Variants in OTOF observed in about 807,000 individuals in gnomAD.
The protein encoded by OTOF is fer-1-like family member 2.
Under a neutral mutation model 236.8 loss-of-function variants are expected in OTOF, and 218 were observed. The observed-to-expected ratio is 0.92, with a 90% CI of 0.82 to 1.03. The LOEUF (loss-of-function observed/expected upper bound fraction) is 1.03. OTOF is among the 50% of genes least tolerant of loss of function. The pLI is 0.00. For missense variants in OTOF, 2,590 were observed against 2,694.4 expected (o/e 0.96, Z 0.86); for synonymous variants, 1,041 against 1,072.5 (o/e 0.97, Z 0.57).
intron 14 of OTOF, among the ~76,000 whole-genome samples, chr2:26,481,686 C>A (rs1485080971): frequency 1.3e-5 from 2 of 152,068 alleles, no homozygotes; most frequent in Admixed American, 6.6e-5. Flanking sequence ...GTGCTATAAA[C>A]CATCATCTAC....
chr2:26,525,353 G>T (rs781062115), intron 3 of OTOF, among the ~76,000 whole-genome samples: 5 of 152,172 alleles, frequency 3.3e-5, no homozygotes, highest in Non-Finnish European at 5.9e-5. Flanking sequence ...CCTCTACAAT[G>T]TGGTCCACTC....
chr2:26,485,736 C>T (rs796257937), intron 11 of OTOF, among the ~76,000 whole-genome samples: 7 of 152,340 alleles, frequency 4.6e-5, no homozygotes, highest in African/African-American at 1.7e-4. Flanking sequence ...AAGCCTGTGG[C>T]CCTGGTGGGC....
Position 26,460,139 on chromosome 2 carries a change from G to A in OTOF, c.5880C>T (p.His1960=). ...GTTTGAGGAGCAGCCAGCGATACGT[G>A]TGCCACAAGAAGTAGCGAGCCGACT... ...PLKSARYFLW[H]TYRWLLLKLL... Residue 1960 remains histidine (H), a synonymous_variant, in exon 46 of 47, where the codon CAC becomes CAT. Transcript: ENST00000272371. This position sits in a 1 kb window ranked among gnomAD's most constrained non-coding sequence, Gnocchi z 5.3. 1 of 1,601,760 alleles carries A rather than the reference G, an allele frequency of 6.2e-7. No homozygotes were observed. The highest frequency in any genetic ancestry group is 1.1e-5 in the South Asian group (1 of 88,744).
At chr2:26,459,912 G>A in intron 46 of OTOF, 96 bp downstream of exon 46, 1 of 1,161,594 alleles carries the variant, frequency 8.6e-7, no homozygotes, top group Non-Finnish European at 1.2e-6. Flanking sequence ...GCACATGTAT[G>A]CATATTTGTG....
Position 26,477,776 on chromosome 2 carries a change from T to C in OTOF, c.2215-27A>G, listed in dbSNP as rs778697515. 4.3e-6 allele frequency: 7 copies of C among 1,611,950 alleles called. No individual in the cohort carries two copies. The highest frequency in any genetic ancestry group is 5.9e-6 in the Non-Finnish European group (7 of 1,179,628). On this transcript the variant is annotated intron_variant, in intron 18 of 46. Coordinates refer to ENST00000272371, the MANE Select transcript of OTOF (RefSeq NM_194248.3). This position sits in a 1 kb window ranked among gnomAD's most constrained non-coding sequence, Gnocchi z 4.7. ...TGTGAATCAGGAGTGTGGGTGATGC[T>C]GGGCCACAGCCCCGCCTCCCCAGCC...
Position 26,462,397 on chromosome 2 carries a change from G to T in OTOF, c.5193-216C>A, listed in dbSNP as rs1664525757. ...ACATGGCTGTGGGCGGTGGGGGTGGGGTGAGGGGAGGAAGCCACCCTCTGT... is the reference window on the plus strand; with the variant it reads ...ACATGGCTGTGGGCGGTGGGGGTGGTGTGAGGGGAGGAAGCCACCCTCTGT... On this transcript the variant is annotated intron_variant, in intron 41 of 46. Transcript: ENST00000272371. The surrounding 1 kb of genome is among the most constrained non-coding windows in gnomAD (Gnocchi z 4.7). Among the ~76,000 whole-genome samples, 1 of 152,122 alleles carries T rather than the reference G, an allele frequency of 6.6e-6. No homozygotes were observed. Among genetic ancestry groups the T allele is most frequent in the Admixed American group, 6.5e-5 (1 of 15,278 alleles).
Position 26,460,081 on chromosome 2 carries a change from C to CGAG in OTOF, c.5935_5937dup (p.Leu1979dup). The CGAG allele has an allele frequency of 1.3e-6, 2 of 1,576,070 alleles. No homozygotes were observed. Among genetic ancestry groups the CGAG allele is most frequent in the Non-Finnish European group, 1.7e-6 (2 of 1,160,618 alleles). On this transcript the variant is annotated inframe_insertion, in exon 46 of 47. Transcript: ENST00000272371. This position sits in a 1 kb window ranked among gnomAD's most constrained non-coding sequence, Gnocchi z 5.3. ...CCAGGCACAGAGTAGAGGAACAGGGCGAGGAGGAGGAGCAGCAGCAGGAGC... is the reference window on the plus strand; with the variant it reads ...CCAGGCACAGAGTAGAGGAACAGGGCGAGGAGGAGGAGGAGCAGCAGCAGGAGC...
rs375186827 is a variant in OTOF, at chr2:26,474,679, C to T, written c.3127-5G>A. 2.2e-4 allele frequency: 362 copies of T among 1,613,204 alleles called. 2 individuals are homozygous for T. In the South Asian group the frequency reaches 2.5e-3, roughly 11 times the overall value. ...GCCCATGAAGTCAGCTTTGCCCTGA[C>T]GCAACAGACAACCCAGAAGCCTCTT... is the stretch of plus-strand genomic sequence containing the variant. On this transcript the variant is annotated splice_region_variant and splice_polypyrimidine_tract_variant and intron_variant, in intron 25 of 46. Transcript: ENST00000272371.
Position 26,532,092 on chromosome 2 carries a change from C to CAAAAAAAAAAAA in OTOF, c.139-4184_139-4173dup, listed in dbSNP as rs150580671. Among the ~76,000 whole-genome samples the CAAAAAAAAAAAA allele has an allele frequency of 2.6e-3, 212 of 80,176 alleles. 24 individuals carry two copies. The highest frequency in any genetic ancestry group is 0.013 in the African/African-American group (201 of 15,802). 52.6% of individuals were successfully genotyped at this position (80,176 alleles called of 152,430 possible). On this transcript the variant is annotated intron_variant, in intron 2 of 46. Transcript: ENST00000272371. ...TGGGTGACAGAGTAAGACTCCACCT[C>CAAAAAAAAAAAA]AAAAAAAAAAAAAAAAAAAAAAAGA...
At chr2:26,542,067 C>T (rs1207986343) in intron 1 of OTOF, among the ~76,000 whole-genome samples, 3 of 152,248 alleles carry the variant, frequency 2.0e-5, no homozygotes, top group African/African-American at 7.2e-5. Flanking sequence ...AAAATACCCA[C>T]ACGACAGATC....
chr2:26,492,950 A>G (rs1424591113), intron 9 of OTOF, among the ~76,000 whole-genome samples: 1 of 152,154 alleles, frequency 6.6e-6, no homozygotes, highest in African/African-American at 2.4e-5. Flanking sequence ...ATGAAAGCCA[A>G]GGTGTGTGGG....
At chr2:26,503,266 T>C (rs577846465) in intron 6 of OTOF, among the ~76,000 whole-genome samples, 4 of 152,302 alleles carry the variant, frequency 2.6e-5, no homozygotes, top group African/African-American at 9.6e-5. Context: ...TCTTCCCCTC[T>C]CCAGTCGCTC....
rs758305199 is a variant in OTOF at position 26,473,160 on chromosome 2, G to C, written c.3705C>G (p.Asp1235Glu). ...TGGTGTTCCAGCTGGGGGCCGAGCGGTCTGGGGGCCGGTAGATGAAGCGTC... is the reference window on the plus strand; with the variant it reads ...TGGTGTTCCAGCTGGGGGCCGAGCGCTCTGGGGGCCGGTAGATGAAGCGTC... ...SLRRFIYRPP[D>E]RSAPSWNTTV... The change falls in exon 29 of 47, where the codon GAC becomes GAG. Residue 1235 changes from aspartate to glutamate, a missense_variant. By Grantham distance (45) the Asp-to-Glu change is conservative. Transcript: ENST00000272371. This position sits in a 1 kb window ranked among gnomAD's most constrained non-coding sequence, Gnocchi z 7.2. 11 of 1,612,704 alleles carry C rather than the reference G, an allele frequency of 6.8e-6. No homozygotes were observed. In the East Asian group the frequency reaches 1.8e-4, roughly 26 times the overall value.
rs1412984967 is a variant in OTOF, at chr2:26,470,321, C to T, written c.4023+272G>A. ...GTGGCATCTTTTGGCTCCCATAGCA[C>T]CTAGTATGGAGCCTGGCTCATCGCA... On this transcript the variant is annotated intron_variant, in intron 32 of 46. Coordinates refer to ENST00000272371, the MANE Select transcript of OTOF (RefSeq NM_194248.3). This position sits in a 1 kb window ranked among gnomAD's most constrained non-coding sequence, Gnocchi z 4.3. Among the ~76,000 whole-genome samples the T allele has an allele frequency of 1.3e-5, 2 of 152,048 alleles. No homozygotes were observed. Among genetic ancestry groups the T allele is most frequent in the Non-Finnish European group, 2.9e-5 (2 of 68,018 alleles).
rs1212153295 is a variant in OTOF at position 26,531,028 on chromosome 2, C to G, written c.139-3108G>C. Among the ~76,000 whole-genome samples the G allele has an allele frequency of 5.3e-5, 8 of 152,290 alleles. No homozygotes were observed. The East Asian group carries it at 1.5e-3, about 29-fold the overall frequency. On this transcript the variant is annotated intron_variant, in intron 2 of 46. Transcript: ENST00000272371. ...TGAATTTTCCTCTCTTTTTATCTCT[C>G]CTTTGTTAAAACTTTTCAGTGGCTC... is the stretch of plus-strand genomic sequence containing the variant.
chr2:26,507,187 T>C lies in OTOF; in HGVS notation c.510-3342A>G, dbSNP rs145636716. Among the ~76,000 whole-genome samples the C allele has an allele frequency of 4.9e-3, 743 of 152,320 alleles. 4 individuals are homozygous for C. The highest frequency in any genetic ancestry group is 0.014 in the African/African-American group (577 of 41,560). On this transcript the variant is annotated intron_variant, in intron 5 of 46. Coordinates refer to ENST00000272371, the MANE Select transcript of OTOF (RefSeq NM_194248.3). ...TCCCTTTATTAAAAATGCAGAAATG[T>C]GTAGTGAAGGATGTAATTTCCAGAA...
At chr2:26,535,927 T>A (rs537259208) in intron 2 of OTOF, among the ~76,000 whole-genome samples, 9 of 152,138 alleles carry the variant, frequency 5.9e-5, no homozygotes, top group Non-Finnish European at 1.3e-4. Flanking sequence ...TGGAAAAGGG[T>A]GGCAGTGCCC....
chr2:26,546,238 A>T (rs1037622245), intron 1 of OTOF, among the ~76,000 whole-genome samples: 3 of 152,172 alleles, frequency 2.0e-5, no homozygotes, highest in African/African-American at 7.2e-5. Flanking sequence ...AGGCTGGTGG[A>T]TCACTTGAGG....
At chr2:26,469,154 T>C (rs1433434699) in intron 32 of OTOF, among the ~76,000 whole-genome samples, 1 of 152,242 alleles carries the variant, frequency 6.6e-6, no homozygotes, top group African/African-American at 2.4e-5. Context: ...AATAAATTGT[T>C]TTAATGTACA....
Sources: gnomAD v4.1 joint callset for allele counts (sites outside exome capture counted in the v4.1 genomes callset) on GRCh38, gnomAD v4.1.1 for gene constraint, Gnocchi (gnomAD v3.1) non-coding constraint, MANE v1.5 for transcripts, NCBI Gene and HGNC (gene_info 2026-07-23, HGNC 2026-07-21) for gene names.